Variants in PTPRD observed in about 807,000 individuals in gnomAD.
PTPRD encodes receptor-type tyrosine-protein phosphatase delta.
A neutral mutation model predicts 214.5 loss-of-function variants in PTPRD; 34 were observed. That is an observed-to-expected ratio of 0.16 (90% CI 0.12 to 0.21). PTPRD has a LOEUF of 0.21. Ranked by LOEUF, PTPRD falls within the 10% of genes least tolerant of loss-of-function variation. The probability of loss-of-function intolerance (pLI) is 1.00; values close to 1 mark genes in which losing one functional copy is unlikely to be tolerated. For missense variants in PTPRD, 2,545 were observed against 2,398.7 expected, an observed-to-expected ratio of 1.06 and a Z score of -1.27; for synonymous variants, 1,128 against 845.7, an observed-to-expected ratio of 1.33 and a Z score of -5.79.
At chr9:9,051,126 C>G (rs1040192053) in intron 10 of PTPRD, among the ~76,000 whole-genome samples, 1 of 152,024 alleles carries the variant, frequency 6.6e-6, no homozygotes, top group Admixed American at 6.6e-5. Flanking sequence ...ATTCTCTGTA[C>G]ATATTCTATA....
chr9:9,913,023 GTTTT>G (rs972153545), intron 5 of PTPRD, among the ~76,000 whole-genome samples: 2 of 152,060 alleles, frequency 1.3e-5, no homozygotes, highest in Admixed American at 6.6e-5. Flanking sequence ...ATTCTTATAA[GTTTT>G]TTTAAGTCTG....
chr9:9,069,818 G>A, intron 10 of PTPRD, among the ~76,000 whole-genome samples: 1 of 152,142 alleles, frequency 6.6e-6, no homozygotes, highest in East Asian at 1.9e-4. Flanking sequence ...CACTGGAAGA[G>A]GAGCAGTATA....
In PTPRD at chr9:10,065,951, C is replaced by T. The variant is rs557265035; in HGVS notation, c.-544-32161G>A. ...AGCAAATTAAGCAACTGCAAAATTT[C>T]CTTAAGACATCATTTTGAAGATAGC... On this transcript the variant is annotated intron_variant, in intron 3 of 45. Coordinates refer to ENST00000381196, the MANE Select transcript of PTPRD (RefSeq NM_002839.4). Among the ~76,000 whole-genome samples the T allele has an allele frequency of 2.7e-4, 41 of 151,922 alleles. No homozygotes were observed. The South Asian group carries it at 8.1e-3, about 30-fold the overall frequency.
At chr9:8,849,709 T>C (rs1176315919) in intron 11 of PTPRD, among the ~76,000 whole-genome samples, 1 of 152,134 alleles carries the variant, frequency 6.6e-6, no homozygotes, top group Non-Finnish European at 1.5e-5. Context: ...CCTCAATGAC[T>C]GCAGGGAATG....
intron 14 of PTPRD, among the ~76,000 whole-genome samples, chr9:8,540,407 T>C (rs2078102733): frequency 6.6e-6 from 1 of 151,960 alleles, no homozygotes; most frequent in African/African-American, 2.4e-5. Flanking sequence ...ATACATGAAT[T>C]CCTATAAAAT....
intron 12 of PTPRD, among the ~76,000 whole-genome samples, chr9:8,719,683 T>G (rs1463767615): frequency 1.3e-5 from 2 of 150,548 alleles, no homozygotes; most frequent in African/African-American, 2.5e-5. Flanking sequence ...CAGAGTTGAA[T>G]AGCTGTGATA....
intron 7 of PTPRD, among the ~76,000 whole-genome samples, chr9:9,673,794 G>T (rs905781579): frequency 1.3e-5 from 2 of 150,484 alleles, no homozygotes; most frequent in African/African-American, 4.9e-5. Context: ...AAAAGATCAG[G>T]AAAGACAGAT....
chr9:9,637,231 C>G (rs180932982), intron 7 of PTPRD, among the ~76,000 whole-genome samples: 1 of 152,088 alleles, frequency 6.6e-6, no homozygotes, highest in Non-Finnish European at 1.5e-5. Context: ...ACCCTGATAG[C>G]CCCCAAAGTC....
At chr9:9,236,197 G>A (rs1258671655) in intron 9 of PTPRD, among the ~76,000 whole-genome samples, 1 of 152,104 alleles carries the variant, frequency 6.6e-6, no homozygotes, top group Non-Finnish European at 1.5e-5. Flanking sequence ...AGGCTGCAGT[G>A]AGCCGAGACT....
intron 4 of PTPRD, among the ~76,000 whole-genome samples, chr9:10,033,499 T>C (rs1036746109): frequency 1.3e-5 from 2 of 151,990 alleles, no homozygotes; most frequent in African/African-American, 2.4e-5. Context: ...ACATAATTTT[T>C]GTTTTATATC....
chr9:9,916,228 G>C (rs770089490), intron 5 of PTPRD, among the ~76,000 whole-genome samples: 1 of 151,948 alleles, frequency 6.6e-6, no homozygotes, highest in Non-Finnish European at 1.5e-5. Context: ...AAATGTTCAA[G>C]AGAATTGTAG....
intron 11 of PTPRD, among the ~76,000 whole-genome samples, chr9:8,978,400 G>A (rs924437707): frequency 1.3e-5 from 2 of 152,116 alleles, no homozygotes; most frequent in Non-Finnish European, 2.9e-5. Context: ...TAGCCTGGTA[G>A]TTTTCACATA....
chr9:9,360,482 T>C (rs1317736632), intron 9 of PTPRD, among the ~76,000 whole-genome samples: 1 of 151,184 alleles, frequency 6.6e-6, no homozygotes, highest in Non-Finnish European at 1.5e-5. Flanking sequence ...TTGATTAGGC[T>C]AAGTTTGTGA....
intron 3 of PTPRD, among the ~76,000 whole-genome samples, chr9:10,314,550 T>A (rs535987824): frequency 6.6e-6 from 1 of 151,918 alleles, no homozygotes; most frequent in Non-Finnish European, 1.5e-5. Context: ...TGTGAGGCAA[T>A]TGGAAATGCA....
intron 10 of PTPRD, among the ~76,000 whole-genome samples, chr9:9,041,156 G>A (rs991384751): frequency 1.3e-5 from 2 of 151,844 alleles, no homozygotes; most frequent in Non-Finnish European, 2.9e-5. Flanking sequence ...ATAAATGGGG[G>A]AATATATATG....
At chr9:10,312,260 G>A (rs911884988) in intron 3 of PTPRD, among the ~76,000 whole-genome samples, 1 of 151,952 alleles carries the variant, frequency 6.6e-6, no homozygotes, top group African/African-American at 2.4e-5. Context: ...AATTATTTCT[G>A]CATATTGGGG....
intron 8 of PTPRD, among the ~76,000 whole-genome samples, chr9:9,424,572 C>G (rs532882037): frequency 2.0e-5 from 3 of 152,056 alleles, no homozygotes; most frequent in African/African-American, 7.2e-5. Flanking sequence ...ATAATAGAAT[C>G]AGAAGGCTTC....
chr9:9,757,086 C>A (rs1012473411), intron 6 of PTPRD, among the ~76,000 whole-genome samples: 1 of 152,036 alleles, frequency 6.6e-6, no homozygotes, highest in African/African-American at 2.4e-5. Context: ...AGTATGACAG[C>A]AAAAGTTCAC....
chr9:8,694,739 C>G (rs2097873457), intron 12 of PTPRD, among the ~76,000 whole-genome samples: 1 of 152,124 alleles, frequency 6.6e-6, no homozygotes, highest in Non-Finnish European at 1.5e-5. Flanking sequence ...ACCTATTATT[C>G]ATGGGTGTTG....
Sources: allele counts gnomAD v4.1 joint callset (sites outside exome capture counted in the v4.1 genomes callset), GRCh38; gene constraint gnomAD v4.1.1; transcripts MANE v1.5; gene names NCBI Gene and HGNC (gene_info 2026-07-23, HGNC 2026-07-21).